SHB: variants seen among roughly 807,000 people sequenced by gnomAD.
SHB encodes SH2 domain-containing adapter protein B.
A neutral mutation model predicts 52.3 loss-of-function variants in SHB; 20 were observed. That is an observed-to-expected ratio of 0.38 (90% CI 0.27 to 0.56). The LOEUF is 0.56. Among genes scored for constraint, SHB ranks in the 20% least tolerant of loss-of-function variants. The probability of loss-of-function intolerance (pLI) is 0.71; values close to 1 mark genes in which losing one functional copy is unlikely to be tolerated. For synonymous variants in SHB, 397 were observed against 316.5 expected (o/e 1.25, Z -2.70); for missense variants, 825 against 723.3 (o/e 1.14, Z -1.61).
chr9:37,959,826 C>T (rs1013771811), intron 3 of SHB, among the ~76,000 whole-genome samples: 1 of 129,264 alleles, frequency 7.7e-6, no homozygotes. Context: ...GATCTTAGCA[C>T]CCTAACTGCA....
At chr9:38,015,416 G>T (rs1020644120) in intron 2 of SHB, 1 of 703,132 alleles carries the variant, frequency 1.4e-6, no homozygotes, top group South Asian at 1.5e-5. Flanking sequence ...CTTTGACAAG[G>T]TTTTGTCATC....
chr9:38,064,122 G>C (rs1002719905), intron 1 of SHB, among the ~76,000 whole-genome samples: 1 of 149,804 alleles, frequency 6.7e-6, no homozygotes, highest in Non-Finnish European at 1.5e-5. Context: ...AGCACAACTT[G>C]AAGGAATACT....
At chr9:37,990,457 C>G (rs1357206310) in intron 2 of SHB, among the ~76,000 whole-genome samples, 3 of 152,176 alleles carry the variant, frequency 2.0e-5, no homozygotes, top group African/African-American at 7.2e-5. Context: ...TCCACAGATG[C>G]TCAGCAAATA....
chr9:38,007,078 G>GT (rs578090721), intron 2 of SHB, among the ~76,000 whole-genome samples: 28 of 152,214 alleles, frequency 1.8e-4, no homozygotes, highest in Non-Finnish European at 3.5e-4. Flanking sequence ...GAACAACTTT[G>GT]TTTTGTTCAT....
Position 38,013,603 on chromosome 9 carries a change from C to CA in SHB, c.838+2407dup, listed in dbSNP as rs557908642. On this transcript the variant is annotated intron_variant, in intron 2 of 5. Transcript: ENST00000377707. ...TGGGCAACAGAGGAAGACCCTGTCT[C>CA]AAAAAAAGCCGAAGTTCCTCAGGTA... Among the ~76,000 whole-genome samples, 22 of 152,210 alleles carry CA rather than the reference C, an allele frequency of 1.4e-4. 1 individual carries two copies. In the East Asian group the frequency reaches 4.2e-3, roughly 29 times the overall value.
At chr9:37,926,894 G>C (rs1442538086) in intron 5 of SHB, among the ~76,000 whole-genome samples, 1 of 152,178 alleles carries the variant, frequency 6.6e-6, no homozygotes, top group East Asian at 1.9e-4. Flanking sequence ...TACTCACCCA[G>C]AGCCCAGGCA....
Position 37,974,818 on chromosome 9 carries a change from A to C in SHB, c.858T>G (p.Ser286Arg). Residue 286 changes from serine to arginine, a missense_variant, in exon 3 of 6, where the codon AGT (serine) becomes AGG (arginine). Ser to Arg is a moderately radical substitution (Grantham distance 110). Transcript: ENST00000377707. The part of the protein sequence containing the change: ...RIMTEFQRQE[S>R]VRSQHKGIQL... ...GGATACCTTTATGCTGGGACCGGAC[A>C]CTTTCCTGCCTCTGAAATTCTGCAG... is the stretch of plus-strand genomic sequence containing the variant. The C allele has an allele frequency of 6.2e-7, 1 of 1,613,962 alleles. No homozygotes were observed. The highest frequency in any genetic ancestry group is 8.5e-7 in the Non-Finnish European group (1 of 1,179,972).
chr9:37,927,419 T>C (rs1832263039), intron 5 of SHB, among the ~76,000 whole-genome samples: 1 of 152,198 alleles, frequency 6.6e-6, no homozygotes, highest in Non-Finnish European at 1.5e-5. Flanking sequence ...AGACTTTCAA[T>C]AGACGCATCA....
At chr9:37,951,577 G>A (rs576360080) in intron 4 of SHB, among the ~76,000 whole-genome samples, 2 of 152,352 alleles carry the variant, frequency 1.3e-5, no homozygotes, top group South Asian at 4.1e-4. Flanking sequence ...ATTTGAAGCT[G>A]AGCCGTCCTC....
chr9:37,940,563 G>A (rs906502861), intron 5 of SHB, among the ~76,000 whole-genome samples: 2 of 152,108 alleles, frequency 1.3e-5, no homozygotes, highest in African/African-American at 2.4e-5. Flanking sequence ...TCCTCCATGC[G>A]ATAAGAGCAA....
At chr9:37,963,514 G>A (rs1244584948) in intron 3 of SHB, among the ~76,000 whole-genome samples, 2 of 152,190 alleles carry the variant, frequency 1.3e-5, no homozygotes, top group Non-Finnish European at 2.9e-5. Context: ...CCTGGTGTTG[G>A]TTCACGAATG....
At chr9:38,003,557 C>T (rs1821044503) in intron 2 of SHB, among the ~76,000 whole-genome samples, 1 of 152,168 alleles carries the variant, frequency 6.6e-6, no homozygotes, top group Admixed American at 6.5e-5. Context: ...GGCTCCACCT[C>T]CCAGCCCCTG....
intron 5 of SHB, among the ~76,000 whole-genome samples, chr9:37,941,773 C>T (rs2117870684): frequency 6.6e-6 from 1 of 152,288 alleles, no homozygotes; most frequent in East Asian, 1.9e-4. Flanking sequence ...TGTGGCCTTG[C>T]AGGGACCACC....
intron 2 of SHB, among the ~76,000 whole-genome samples, chr9:38,011,639 G>A (rs1265452505): frequency 6.6e-6 from 1 of 152,172 alleles, no homozygotes; most frequent in Non-Finnish European, 1.5e-5. Flanking sequence ...ACCCATCTGA[G>A]ACTCAACTCC....
At chr9:38,000,460 C>G (rs1820997168) in intron 2 of SHB, among the ~76,000 whole-genome samples, 1 of 152,250 alleles carries the variant, frequency 6.6e-6, no homozygotes, top group Non-Finnish European at 1.5e-5. Flanking sequence ...GCCCTGCACT[C>G]ATGGATCTTC....
At chr9:37,966,852 AG>A (rs1286803591) in intron 3 of SHB, among the ~76,000 whole-genome samples, 2 of 152,194 alleles carry the variant, frequency 1.3e-5, no homozygotes, top group Non-Finnish European at 2.9e-5. Flanking sequence ...GCAAGTGTGG[AG>A]CAGTGCCCTA....
rs1303285180 is a variant in SHB at position 37,917,218 on chromosome 9, GA to G, written c.*2602del. 1.3e-5 allele frequency among the ~76,000 whole-genome samples: 2 copies of G among 152,126 alleles called. No individual in the cohort carries two copies. ...GAGGGAGAGGTTCATAAAATTAAGG[GA>G]AAAAAATTCTTTTCAGCAGCTCCCA... On this transcript the variant is annotated 3_prime_UTR_variant, in exon 6 of 6. Transcript: ENST00000377707.
intron 2 of SHB, among the ~76,000 whole-genome samples, chr9:37,981,398 T>G (rs1399524128): frequency 1.3e-5 from 2 of 152,248 alleles, no homozygotes; most frequent in African/African-American, 2.4e-5. Flanking sequence ...CTCCACTCTC[T>G]CAGCCTTCAC....
intron 3 of SHB, among the ~76,000 whole-genome samples, chr9:37,964,766 C>T (rs1045559696): frequency 6.6e-6 from 1 of 152,158 alleles, no homozygotes; most frequent in Non-Finnish European, 1.5e-5. Flanking sequence ...TGAGCACTCA[C>T]TGTGCCCCCA....
Sources: allele counts gnomAD v4.1 joint callset (sites outside exome capture counted in the v4.1 genomes callset), GRCh38; gene constraint gnomAD v4.1.1; transcripts MANE v1.5; gene names NCBI Gene and HGNC (gene_info 2026-07-23, HGNC 2026-07-21).